OTOG: variants seen among roughly 807,000 people sequenced by gnomAD.
The protein encoded by OTOG is otogelin.
In OTOG, 296 loss-of-function variants were observed where a neutral mutation model predicts 313.8. The observed-to-expected ratio is 0.94, with a 90% confidence interval of 0.86 to 1.04. The LOEUF is 1.04. Among genes scored for constraint, OTOG ranks in the 50% least tolerant of loss-of-function variants. The pLI, the probability that OTOG is intolerant of heterozygous loss-of-function variation, is 0.00. For synonymous variants in OTOG, 1,533 were observed against 1,554.9 expected (o/e 0.99, Z 0.33); for missense variants, 3,948 against 3,840.1 (o/e 1.03, Z -0.74).
chr11:17,563,854 GTTTTTTTTTTT>G (rs61373849), intron 15 of OTOG, among the ~76,000 whole-genome samples: 2 of 106,630 alleles, frequency 1.9e-5, no homozygotes, highest in South Asian at 3.3e-4. Flanking sequence ...CTAGTTTTTG[GTTTTTTTTTTT>G]TTTTTTTTTT....
chr11:17,609,258 C>T (rs867444305), intron 35 of OTOG, 49 bp downstream of exon 35: 5 of 1,499,464 alleles, frequency 3.3e-6, no homozygotes, highest in Middle Eastern at 3.4e-4. Context: ...CTCTAAGTCC[C>T]TAGGGTCTCA....
At chr11:17,576,357 G>C (rs1163796594) in intron 20 of OTOG, among the ~76,000 whole-genome samples, 199 bp from the exon 21 acceptor site, 1 of 152,210 alleles carries the variant, frequency 6.6e-6, no homozygotes, top group African/African-American at 2.4e-5. Context: ...CTGAATCTGG[G>C]ACCCAGCCGT....
chr11:17,563,741 C>T (rs184969843), intron 15 of OTOG, among the ~76,000 whole-genome samples: 11 of 151,944 alleles, frequency 7.2e-5, no homozygotes, highest in African/African-American at 2.4e-4. Context: ...AGTGCAGTGG[C>T]GCAATCTCAG....
chr11:17,555,563 T>G lies in OTOG; in HGVS notation c.541-216T>G, dbSNP rs1287519852. The G allele has an allele frequency of 5.6e-5, 26 of 463,186 alleles. No individual in the cohort carries two copies. In the East Asian group the frequency reaches 7.3e-4, roughly 13 times the overall value. The allele number at this position is 463,186 out of a possible 1,614,324, so 28.7% of individuals were successfully genotyped here. On this transcript the variant is annotated intron_variant, in intron 6 of 55. Transcript: ENST00000399397. ...GGGGCTAGAATCCCAGCTCTGGGAT[T>G]TCCTAGTTTTCTGTGTGTGGCCTTA...
intron 23 of OTOG, among the ~76,000 whole-genome samples, chr11:17,579,557 TATC>T (rs1183795401): frequency 6.6e-6 from 1 of 152,112 alleles, no homozygotes; most frequent in African/African-American, 2.4e-5. Flanking sequence ...CCTATATAGA[TATC>T]ATAATGTGGG....
intron 15 of OTOG, among the ~76,000 whole-genome samples, chr11:17,565,393 G>A (rs755397226): frequency 2.6e-5 from 4 of 152,108 alleles, no homozygotes; most frequent in South Asian, 2.1e-4. Context: ...CATCTTATCC[G>A]TGGTATATAC....
intron 39 of OTOG, among the ~76,000 whole-genome samples, chr11:17,618,601 C>T (rs1853786247): frequency 1.3e-5 from 2 of 152,134 alleles, no homozygotes; most frequent in South Asian, 4.1e-4. Context: ...CTTCTAAATT[C>T]TTACTAATTT....
At position 17,611,073 on chromosome 11, in the gene OTOG, G is replaced by A; in HGVS notation, c.5773G>A (p.Gly1925Ser). 1 of 1,550,630 alleles carries A rather than the reference G, an allele frequency of 6.4e-7. No homozygotes were observed. The highest frequency in any genetic ancestry group is 8.7e-7 in the Non-Finnish European group (1 of 1,146,986). The change falls in exon 36 of 56, where the codon GGT (glycine) becomes AGT (serine). Residue 1925 changes from glycine (G) to serine (S), a missense_variant. Gly to Ser is a moderately conservative substitution (Grantham distance 56). Coordinates refer to ENST00000399397, the MANE Select transcript of OTOG (RefSeq NM_001292063.2). ...AGTGTCTCTGCCCACTTCCATGTAT[G>A]GTTCTGCAGAGGGTGGGCCCACAGA... ...KQVSLPTSMYGSAEGGPTELT... is the reference protein window; with the variant it reads ...KQVSLPTSMYSSAEGGPTELT...
At chr11:17,563,285 C>A (rs1429987105) in intron 15 of OTOG, among the ~76,000 whole-genome samples, 1 of 152,224 alleles carries the variant, frequency 6.6e-6, no homozygotes, top group African/African-American at 2.4e-5. Flanking sequence ...AGCAGGAGCT[C>A]ACACCCACAG....
chr11:17,633,620 C>A, intron 42 of OTOG, 60 bp from the exon 43 acceptor site: 1 of 1,442,210 alleles, frequency 6.9e-7, no homozygotes, highest in Non-Finnish European at 9.2e-7. Flanking sequence ...TCTTTCGGCC[C>A]TCAGTGGGGA....
At chr11:17,606,321 G>A (rs967010915) in intron 33 of OTOG, among the ~76,000 whole-genome samples, 186 bp downstream of exon 33, 2 of 152,256 alleles carry the variant, frequency 1.3e-5, no homozygotes, top group Non-Finnish European at 2.9e-5. Flanking sequence ...GACAGCTTAG[G>A]GAGCCACGGA....
chr11:17,617,924 T>G (rs545739307), intron 39 of OTOG, among the ~76,000 whole-genome samples: 1 of 152,148 alleles, frequency 6.6e-6, no homozygotes, highest in Non-Finnish European at 1.5e-5. Flanking sequence ...TCTATTTTTT[T>G]TTTTTTGAGA....
At chr11:17,632,302 G>C (rs878894695) in intron 42 of OTOG, 76 bp downstream of exon 42, 1 of 1,448,322 alleles carries the variant, frequency 6.9e-7, no homozygotes, top group Non-Finnish European at 9.2e-7. Context: ...AAAGGCTCCC[G>C]GCCCCAAGTT....
At position 17,609,118 on chromosome 11, in the gene OTOG, C is replaced by T. The variant is rs1221938741; in HGVS notation, c.4275-12C>T. On this transcript the variant is annotated splice_polypyrimidine_tract_variant and intron_variant, in intron 34 of 55. Coordinates refer to ENST00000399397, the MANE Select transcript of OTOG (RefSeq NM_001292063.2). ...TTTCAGGCCTTTAAACTGCTCCCTGCTCTGTCCTCAGGGTAGAAGGCTGTG... is the reference window on the plus strand; with the variant it reads ...TTTCAGGCCTTTAAACTGCTCCCTGTTCTGTCCTCAGGGTAGAAGGCTGTG... The T allele has an allele frequency of 6.5e-7, 1 of 1,549,116 alleles. No individual in the cohort carries two copies. Among genetic ancestry groups the T allele is most frequent in the East Asian group, 2.4e-5 (1 of 40,928 alleles).
chr11:17,602,295 C>T lies in OTOG; in HGVS notation c.3795C>T (p.Val1265=). The change falls in exon 32 of 56, where the codon GTC becomes GTT. Residue 1265 remains valine, a synonymous_variant. Coordinates refer to ENST00000399397, the MANE Select transcript of OTOG (RefSeq NM_001292063.2). The stretch of plus-strand genomic sequence containing the variant: ...TGAAGGCGGTGGGCGATGACATAGT[C>T]CTAGTGAGGACAGAGGATGTGGCGC... ...VGMKAVGDDI[V]LVRTEDVAPA... is the part of the protein sequence containing the mutation. 1 of 1,550,582 alleles carries T rather than the reference C, an allele frequency of 6.4e-7. No homozygotes were observed. Among genetic ancestry groups the T allele is most frequent in the Admixed American group, 2.0e-5 (1 of 51,008 alleles).
chr11:17,632,046 G>C, intron 41 of OTOG, 42 bp from the exon 42 acceptor site: 1 of 1,545,202 alleles, frequency 6.5e-7, no homozygotes, highest in South Asian at 1.2e-5. Flanking sequence ...ACTGGGATAT[G>C]TGCCATCCGA....
rs536687556 is a variant in OTOG, at chr11:17,623,250, A to G, written c.6529-5883A>G. 9.2e-5 allele frequency among the ~76,000 whole-genome samples: 14 copies of G among 152,228 alleles called. No individual in the cohort carries two copies. The South Asian group carries it at 2.9e-3, about 32-fold the overall frequency. On this transcript the variant is annotated intron_variant, in intron 39 of 55. Coordinates refer to ENST00000399397, the MANE Select transcript of OTOG (RefSeq NM_001292063.2). The stretch of plus-strand genomic sequence containing the variant: ...GTACAGATTATTTTGTCACCCAGGT[A>G]TTAAGCCTAGTACTCATTAGTTATT...
At chr11:17,571,911 T>C (rs1196095450) in intron 17 of OTOG, among the ~76,000 whole-genome samples, 169 bp from the exon 18 acceptor site, 1 of 152,182 alleles carries the variant, frequency 6.6e-6, no homozygotes, top group East Asian at 1.9e-4. Context: ...CGTATACATG[T>C]TACATATTTG....
At chr11:17,562,253 A>G (rs932062011) in intron 15 of OTOG, among the ~76,000 whole-genome samples, 1 of 149,582 alleles carries the variant, frequency 6.7e-6, no homozygotes, top group South Asian at 2.1e-4. Flanking sequence ...AAAAAAAAAA[A>G]AAAAAGAAAT....
Sources: allele counts gnomAD v4.1 joint callset (sites outside exome capture counted in the v4.1 genomes callset), GRCh38; gene constraint gnomAD v4.1.1; transcripts MANE v1.5; gene names NCBI Gene and HGNC (gene_info 2026-07-23, HGNC 2026-07-21).